NTM: variants seen among roughly 807,000 people sequenced by gnomAD.
The protein encoded by NTM is neurotrimin.
Under a neutral mutation model 42.1 loss-of-function variants are expected in NTM, and 13 were observed. That is an observed-to-expected ratio of 0.31 (90% CI 0.20 to 0.49). The LOEUF is 0.49. Among genes scored for constraint, NTM ranks in the 20% least tolerant of loss-of-function variants. NTM has a pLI of 0.99. For missense variants in NTM, 373 were observed against 452.8 expected, an observed-to-expected ratio of 0.82 and a Z score of 1.60; for synonymous variants, 187 against 179.2, an observed-to-expected ratio of 1.04 and a Z score of -0.35.
chr11:132,025,104 GGAGA>G (rs976537027), intron 2 of NTM, among the ~76,000 whole-genome samples: 1 of 152,098 alleles, frequency 6.6e-6, no homozygotes, highest in Non-Finnish European at 1.5e-5. Flanking sequence ...GCTACAGAGG[GGAGA>G]GAGAGAGGCT....
At chr11:131,403,127 C>T (rs995482854) in intron 1 of NTM, among the ~76,000 whole-genome samples, 1 of 152,160 alleles carries the variant, frequency 6.6e-6, no homozygotes, top group Non-Finnish European at 1.5e-5. Context: ...TGTCACTGTT[C>T]CCTGAGAGGA....
intron 1 of NTM, among the ~76,000 whole-genome samples, chr11:131,386,685 C>T (rs1943357051): frequency 6.6e-6 from 1 of 152,196 alleles, no homozygotes; most frequent in African/African-American, 2.4e-5. Flanking sequence ...ATACCTGCAG[C>T]CTGGTTTTTC....
intron 1 of NTM, among the ~76,000 whole-genome samples, chr11:131,438,868 G>T (rs1949366634): frequency 6.6e-6 from 1 of 152,096 alleles, no homozygotes; most frequent in Admixed American, 6.6e-5. Context: ...GAGACGCTCT[G>T]GTTTTTAGAA....
intron 1 of NTM, among the ~76,000 whole-genome samples, chr11:131,551,878 C>G (rs557710428): frequency 2.6e-5 from 4 of 152,112 alleles, no homozygotes; most frequent in African/African-American, 9.7e-5. Context: ...TCACATCCCA[C>G]GTCAAGGCTA....
At chr11:131,614,109 C>T (rs1407844679) in intron 1 of NTM, among the ~76,000 whole-genome samples, 1 of 152,140 alleles carries the variant, frequency 6.6e-6, no homozygotes. Context: ...TCACTGAGAT[C>T]TGGGGCGATG....
At chr11:131,940,610 C>T (rs750045167) in intron 2 of NTM, among the ~76,000 whole-genome samples, 6 of 152,198 alleles carry the variant, frequency 3.9e-5, no homozygotes, top group African/African-American at 1.4e-4. Flanking sequence ...ATGATTGTCC[C>T]AAAGCGTTCA....
intron 1 of NTM, among the ~76,000 whole-genome samples, chr11:131,564,044 C>A (rs1186950991): frequency 4.6e-5 from 7 of 152,132 alleles, no homozygotes; most frequent in Non-Finnish European, 1.0e-4. Context: ...TCACTAGGAA[C>A]ACTGTAATTG....
intron 1 of NTM, among the ~76,000 whole-genome samples, chr11:131,586,346 G>A (rs1363542930): frequency 6.6e-6 from 1 of 152,158 alleles, no homozygotes; most frequent in African/African-American, 2.4e-5. Flanking sequence ...ATAGAATACA[G>A]CCGTAGTGAT....
intron 2 of NTM, among the ~76,000 whole-genome samples, chr11:131,920,252 G>A (rs1204529920): frequency 1.3e-5 from 2 of 152,314 alleles, no homozygotes; most frequent in Middle Eastern, 3.4e-3. Context: ...ATGTGTTGGG[G>A]AAGAGGTAGT....
intron 2 of NTM, among the ~76,000 whole-genome samples, chr11:132,009,615 G>A (rs1035985998): frequency 4.6e-5 from 7 of 152,150 alleles, no homozygotes; most frequent in African/African-American, 1.2e-4. Context: ...CCCTAATTCC[G>A]GTGCACTGCT....
chr11:132,303,225 T>C (rs1453769008), intron 4 of NTM, among the ~76,000 whole-genome samples: 1 of 152,208 alleles, frequency 6.6e-6, no homozygotes, highest in Non-Finnish European at 1.5e-5. Context: ...AAAAACTGGG[T>C]GCTTTACAAC....
chr11:131,724,718 G>T (rs886797901), intron 1 of NTM, among the ~76,000 whole-genome samples: 19 of 152,140 alleles, frequency 1.2e-4, no homozygotes, highest in Non-Finnish European at 1.6e-4. Context: ...GACAAGGCCC[G>T]GCAGAAGGGC....
At chr11:132,248,041 AT>A (rs5795766) in intron 4 of NTM, among the ~76,000 whole-genome samples, 18,730 of 152,186 alleles carry the variant, frequency 0.12, 1,750 homozygotes, top group East Asian at 0.47. Flanking sequence ...GCATCCAAAC[AT>A]GGGAGAAAAT....
In NTM at chr11:131,728,133, A is replaced by T. The variant is rs371372523; in HGVS notation, c.83-183431A>T. Among the ~76,000 whole-genome samples the T allele has an allele frequency of 1.1e-4, 16 of 151,630 alleles. No individual in the cohort carries two copies. The East Asian group carries it at 2.1e-3, about 20-fold the overall frequency. Reference sequence around the variant, plus strand: ...GAAAAAACCAACAAGCAAGCAACCAATTGCACAGCAGACACCAGCTGGGTG... The same window carrying T: ...GAAAAAACCAACAAGCAAGCAACCATTTGCACAGCAGACACCAGCTGGGTG... On this transcript the variant is annotated intron_variant, in intron 1 of 8. Transcript: ENST00000683400.
At chr11:132,207,126 C>A (rs1037115028) in intron 3 of NTM, among the ~76,000 whole-genome samples, 1 of 152,144 alleles carries the variant, frequency 6.6e-6, no homozygotes, top group Non-Finnish European at 1.5e-5. Context: ...AAACCTCAGG[C>A]CACATACCGA....
At chr11:131,755,971 GGC>G (rs2135747888) in intron 1 of NTM, among the ~76,000 whole-genome samples, 1 of 152,300 alleles carries the variant, frequency 6.6e-6, no homozygotes, top group East Asian at 1.9e-4. Context: ...TCTCTGCATT[GGC>G]CAGGAGATAT....
intron 2 of NTM, among the ~76,000 whole-genome samples, chr11:132,022,149 C>A (rs1301818903): frequency 6.6e-6 from 1 of 152,220 alleles, no homozygotes; most frequent in Non-Finnish European, 1.5e-5. Flanking sequence ...CTGGAGGAAC[C>A]TCCATGACTG....
intron 1 of NTM, among the ~76,000 whole-genome samples, chr11:131,439,079 C>T (rs1287834865): frequency 6.6e-6 from 1 of 152,156 alleles, no homozygotes; most frequent in East Asian, 1.9e-4. Context: ...GCTGGAGGTC[C>T]ACTCCAGACC....
chr11:131,600,516 G>T (rs1358384903), intron 1 of NTM, among the ~76,000 whole-genome samples: 13 of 152,192 alleles, frequency 8.5e-5, no homozygotes, highest in Admixed American at 8.5e-4. Context: ...GGTTTCACAA[G>T]CATTTTAATA....
Sources: allele counts gnomAD v4.1 joint callset (sites outside exome capture counted in the v4.1 genomes callset), GRCh38; gene constraint gnomAD v4.1.1; transcripts MANE v1.5; gene names NCBI Gene and HGNC (gene_info 2026-07-23, HGNC 2026-07-21).